Variants in PCSK5 observed in about 807,000 individuals in gnomAD.
PCSK5 encodes the protein proprotein convertase subtilisin/kexin type 5.
Under a neutral mutation model 233.2 loss-of-function variants are expected in PCSK5, and 129 were observed. The observed-to-expected ratio is 0.55, with a 90% confidence interval of 0.48 to 0.64. The LOEUF (loss-of-function observed/expected upper bound fraction) is 0.64. PCSK5 is among the 30% of genes least tolerant of loss of function. The pLI, the probability that PCSK5 is intolerant of heterozygous loss-of-function variation, is 0.00. For synonymous variants in PCSK5, 825 were observed against 879.2 expected, an observed-to-expected ratio of 0.94 and a Z score of 1.09; for missense variants, 2,076 against 2,430.1, an observed-to-expected ratio of 0.85 and a Z score of 3.06.
intron 37 of PCSK5, among the ~76,000 whole-genome samples, chr9:76,355,911 C>T (rs1830290045): frequency 2.6e-5 from 4 of 152,118 alleles, no homozygotes; most frequent in Non-Finnish European, 5.9e-5. Flanking sequence ...ACCATGTTGG[C>T]CAGACTGGTC....
At chr9:75,912,226 A>G (rs568578206) in intron 1 of PCSK5, among the ~76,000 whole-genome samples, 2 of 152,108 alleles carry the variant, frequency 1.3e-5, no homozygotes, top group Non-Finnish European at 2.9e-5. Flanking sequence ...AGGTGAGGGA[A>G]AGAAATGAGC....
At chr9:76,136,627 A>AAT (rs1822993317) in intron 10 of PCSK5, among the ~76,000 whole-genome samples, 1 of 152,028 alleles carries the variant, frequency 6.6e-6, no homozygotes, top group Admixed American at 6.6e-5. Flanking sequence ...CACTGAGTAA[A>AAT]ATATATGTAT....
chr9:76,122,827 C>CTTTTTTTTT (rs71372050), intron 9 of PCSK5, among the ~76,000 whole-genome samples: 1 of 127,062 alleles, frequency 7.9e-6, no homozygotes, highest in Non-Finnish European at 1.6e-5. Context: ...TTTTTTTTTT[C>CTTTTTTTTT]TTTTTTTTTT....
At chr9:76,289,706 ATGTCTGACT>A (rs1828219324) in intron 24 of PCSK5, among the ~76,000 whole-genome samples, 1 of 152,176 alleles carries the variant, frequency 6.6e-6, no homozygotes, top group Non-Finnish European at 1.5e-5. Flanking sequence ...CATTTAGCTT[ATGTCTGACT>A]TGTGGATCTT....
intron 3 of PCSK5, among the ~76,000 whole-genome samples, chr9:75,989,508 A>C (rs903411920): frequency 2.7e-5 from 4 of 146,944 alleles, no homozygotes; most frequent in African/African-American, 9.9e-5. Flanking sequence ...AAAAAAAAAA[A>C]CAATTATCTC....
intron 7 of PCSK5, among the ~76,000 whole-genome samples, chr9:76,081,279 C>T (rs1308672552): frequency 6.6e-6 from 1 of 151,992 alleles, no homozygotes; most frequent in Non-Finnish European, 1.5e-5. Context: ...CATGGTGAGA[C>T]CCTGTCTCTA....
chr9:76,007,636 T>C (rs948075093), intron 3 of PCSK5, among the ~76,000 whole-genome samples: 10 of 152,132 alleles, frequency 6.6e-5, no homozygotes, highest in Non-Finnish European at 1.2e-4. Context: ...TTCATCACTT[T>C]CGTTTTTTGA....
At chr9:76,023,609 A>T in intron 3 of PCSK5, 129 bp from the exon 4 acceptor site, 1 of 749,122 alleles carries the variant, frequency 1.3e-6, no homozygotes, top group Non-Finnish European at 2.1e-6. Context: ...AGGTTACAGT[A>T]AGCTCATCAC....
intron 20 of PCSK5, chr9:76,194,726 T>C (rs973501175): frequency 3.0e-5 from 14 of 463,178 alleles, no homozygotes; most frequent in Admixed American, 4.8e-5. Flanking sequence ...TGAAATCTTA[T>C]AGATCTTTTG....
chr9:76,283,052 C>T (rs1827932216), intron 24 of PCSK5, among the ~76,000 whole-genome samples: 1 of 152,172 alleles, frequency 6.6e-6, no homozygotes, highest in Admixed American at 6.5e-5. Flanking sequence ...TTTGAACAGA[C>T]AAGAAATTGG....
chr9:76,264,848 A>G (rs1827286101), intron 24 of PCSK5, among the ~76,000 whole-genome samples: 2 of 152,192 alleles, frequency 1.3e-5, no homozygotes, highest in African/African-American at 4.8e-5. Context: ...AAGCAGAACT[A>G]CTGTTTGACC....
intron 24 of PCSK5, among the ~76,000 whole-genome samples, chr9:76,259,867 C>A (rs1202889537): frequency 6.6e-6 from 1 of 152,106 alleles, no homozygotes; most frequent in Admixed American, 6.5e-5. Flanking sequence ...TATGGGTCTC[C>A]CTCCCTCATC....
At chr9:76,070,626 A>G (rs572146374) in intron 6 of PCSK5, among the ~76,000 whole-genome samples, 1 of 152,326 alleles carries the variant, frequency 6.6e-6, no homozygotes, top group Non-Finnish European at 1.5e-5. Flanking sequence ...AGTAGTGGCT[A>G]TGTATATATA....
intron 1 of PCSK5, among the ~76,000 whole-genome samples, chr9:75,910,883 A>G (rs904694861): frequency 2.0e-5 from 3 of 152,294 alleles, no homozygotes; most frequent in South Asian, 2.1e-4. Flanking sequence ...CGGTTCACTC[A>G]CTGATTTATG....
At chr9:75,909,292 C>A (rs1280893113) in intron 1 of PCSK5, among the ~76,000 whole-genome samples, 1 of 151,664 alleles carries the variant, frequency 6.6e-6, no homozygotes, top group Non-Finnish European at 1.5e-5. Context: ...CGCCACTGCA[C>A]TCCAGCCTGG....
Position 76,159,102 on chromosome 9 carries a change from C to T in PCSK5, c.1550C>T (p.Pro517Leu), listed in dbSNP as rs1356768087. 9 of 1,614,186 alleles carry T rather than the reference C, an allele frequency of 5.6e-6. No individual in the cohort carries two copies. The highest frequency in any genetic ancestry group is 7.6e-6 in the Non-Finnish European group (9 of 1,180,032). The change falls in exon 12 of 38, where the codon CCC (proline) becomes CTC (leucine). Residue 517 changes from proline (P) to leucine (L), a missense_variant. Physicochemically the swap from Pro to Leu is moderately conservative, Grantham distance 98. Coordinates refer to ENST00000674117, the MANE Select transcript of PCSK5 (RefSeq NM_001372043.1). ...HVVVRITITH[P>L]RRGDLAIYLT... is the part of the protein sequence containing the mutation. ...GTTGTGCGCATCACCATCACCCACC[C>T]CAGGAGAGGAGACCTGGCCATCTAC...
chr9:76,059,663 A>T (rs1345442589), intron 5 of PCSK5, among the ~76,000 whole-genome samples: 4 of 152,168 alleles, frequency 2.6e-5, no homozygotes, highest in African/African-American at 9.7e-5. Flanking sequence ...AGGACTTTGA[A>T]AAAAGGAACT....
intron 24 of PCSK5, among the ~76,000 whole-genome samples, chr9:76,269,681 C>A (rs1587821517): frequency 6.6e-6 from 1 of 152,228 alleles, no homozygotes; most frequent in South Asian, 2.1e-4. Context: ...GAGAAGTAAC[C>A]AAAACATACC....
intron 24 of PCSK5, 70 bp downstream of exon 24, chr9:76,240,754 T>C: frequency 9.3e-7 from 1 of 1,076,430 alleles, no homozygotes; most frequent in Admixed American, 2.0e-5. Context: ...CTTCATCCTG[T>C]CATTGCCCCA....
Sources: gnomAD v4.1 joint callset for allele counts (sites outside exome capture counted in the v4.1 genomes callset) on GRCh38, gnomAD v4.1.1 for gene constraint, MANE v1.5 for transcripts, NCBI Gene and HGNC (gene_info 2026-07-23, HGNC 2026-07-21) for gene names.